FAT3: variants seen among roughly 807,000 people sequenced by gnomAD.
FAT3 encodes FAT atypical cadherin 3, also known as protocadherin Fat 3.
In FAT3, 95 loss-of-function variants were observed where a neutral mutation model predicts 310.2. The observed-to-expected ratio is 0.31, with a 90% CI of 0.26 to 0.36. FAT3 has a LOEUF of 0.36. Among genes scored for constraint, FAT3 ranks in the 10% least tolerant of loss-of-function variants. The pLI is 1.00. For synonymous variants in FAT3, 2,314 were observed against 2,192.9 expected (o/e 1.06, Z -1.54); for missense variants, 5,408 against 5,715.6 (o/e 0.95, Z 1.74).
At chr11:92,685,605 A>G (rs926634377) in intron 3 of FAT3, among the ~76,000 whole-genome samples, 4 of 149,584 alleles carry the variant, frequency 2.7e-5, no homozygotes, top group East Asian at 1.9e-4. Context: ...ATATTTAATT[A>G]TTTATTATTA....
chr11:92,453,717 T>G (rs1371327753), intron 2 of FAT3, among the ~76,000 whole-genome samples: 1 of 152,180 alleles, frequency 6.6e-6, no homozygotes, highest in Non-Finnish European at 1.5e-5. Flanking sequence ...TGGCATTATT[T>G]TATTGCCTAC....
chr11:92,427,305 C>G (rs192855209), intron 2 of FAT3, among the ~76,000 whole-genome samples: 3 of 152,096 alleles, frequency 2.0e-5, no homozygotes, highest in Admixed American at 1.3e-4. Context: ...ATATACAATC[C>G]TGTCATCTGC....
chr11:92,583,009 A>G (rs1335570267), intron 3 of FAT3, among the ~76,000 whole-genome samples: 1 of 151,414 alleles, frequency 6.6e-6, no homozygotes, highest in African/African-American at 2.4e-5. Flanking sequence ...TGCTTAATAT[A>G]CTCCCCTGTA....
chr11:92,510,111 G>GA (rs1953242992), intron 2 of FAT3, among the ~76,000 whole-genome samples: 1 of 152,084 alleles, frequency 6.6e-6, no homozygotes, highest in Admixed American at 6.6e-5. Flanking sequence ...ATTATCGTCA[G>GA]AAAATATTTC....
chr11:92,439,212 T>TA (rs1481619986), intron 2 of FAT3, among the ~76,000 whole-genome samples: 5 of 152,008 alleles, frequency 3.3e-5, no homozygotes, highest in Admixed American at 6.6e-5. Context: ...CAAAGTAATA[T>TA]AAAAAAACCC....
Position 92,800,957 on chromosome 11 carries a change from C to T in FAT3, c.7944C>T (p.Ala2648=), listed in dbSNP as rs773625640. 14 of 1,612,762 alleles carry T rather than the reference C, an allele frequency of 8.7e-6. No individual in the cohort carries two copies. Among genetic ancestry groups the T allele is most frequent in the African/African-American group, 5.3e-5 (4 of 74,868 alleles). Residue 2648 remains alanine, a synonymous_variant, in exon 10 of 28, where the codon GCC becomes GCT. Coordinates refer to ENST00000525166, the MANE Select transcript of FAT3 (RefSeq NM_001367949.2). ...SLYSEASVSV[A]DLLEIDPDNG... ...ATAGCGAGGCCTCTGTTTCAGTGGC[C>T]GACCTCCTGGAAATCGATCCTGACA...
At chr11:92,886,788 G>T (rs1257121987) in intron 24 of FAT3, 1 of 543,106 alleles carries the variant, frequency 1.8e-6, no homozygotes, top group Admixed American at 3.3e-5. Flanking sequence ...TTTACTATGG[G>T]CTAAGGGTTT....
intron 9 of FAT3, among the ~76,000 whole-genome samples, chr11:92,795,267 TA>T (rs1947139133): frequency 6.6e-6 from 1 of 152,110 alleles, no homozygotes; most frequent in South Asian, 2.1e-4. Context: ...GAGTTTAAAA[TA>T]TTTTTTTTAG....
At chr11:92,412,752 C>CACACACATATATATATAT (rs1565296555) in intron 2 of FAT3, among the ~76,000 whole-genome samples, 1 of 24,274 alleles carries the variant, frequency 4.1e-5, no homozygotes. Flanking sequence ...TATAAATATA[C>CACACACATATATATATAT]ATACATATAT....
chr11:92,480,084 T>G (rs1241395173), intron 2 of FAT3, among the ~76,000 whole-genome samples: 5 of 151,968 alleles, frequency 3.3e-5, no homozygotes, highest in Admixed American at 6.6e-5. Context: ...GCTAACACGG[T>G]GAAACCCCAT....
chr11:92,673,679 G>T (rs1359287121), intron 3 of FAT3, among the ~76,000 whole-genome samples: 1 of 152,020 alleles, frequency 6.6e-6, no homozygotes, highest in Non-Finnish European at 1.5e-5. Context: ...TTTTTATGGT[G>T]CACTGTTTTC....
Position 92,799,957 on chromosome 11 carries a change from A to C in FAT3, c.6944A>C (p.Asp2315Ala). 1 of 1,613,016 alleles carries C rather than the reference A, an allele frequency of 6.2e-7. No homozygotes were observed. The highest frequency in any genetic ancestry group is 8.5e-7 in the Non-Finnish European group (1 of 1,179,424). Residue 2315 changes from aspartate (D) to alanine (A), a missense_variant, in exon 10 of 28, where the codon GAC (aspartate) becomes GCC (alanine). By Grantham distance (126) the Asp-to-Ala change is moderately radical. Coordinates refer to ENST00000525166, the MANE Select transcript of FAT3 (RefSeq NM_001367949.2). ...PVLQVVSIDA[D>A]SENNKMVHYQ... Reference sequence around the variant, plus strand: ...TTACAAGTTGTCTCTATTGATGCAGACTCAGAAAACAATAAAATGGTACAT... The same window carrying C: ...TTACAAGTTGTCTCTATTGATGCAGCCTCAGAAAACAATAAAATGGTACAT...
Position 92,800,412 on chromosome 11 carries a change from C to G in FAT3, c.7399C>G (p.Leu2467Val), listed in dbSNP as rs1468539931. The G allele has an allele frequency of 2.5e-6, 4 of 1,613,868 alleles. No homozygotes were observed. The African/African-American group carries it at 4.0e-5, about 16-fold the overall frequency. ...RKQRMEPLYS[L>V]NVSVSDGLFT... ...GCAGCGGATGGAGCCTCTGTACAGT[C>G]TCAATGTGTCTGTCTCTGATGGGTT... Residue 2467 changes from leucine to valine, a missense_variant, in exon 10 of 28, where the codon CTC (leucine) becomes GTC (valine). Leu to Val is a conservative substitution (Grantham distance 32). Coordinates refer to ENST00000525166, the MANE Select transcript of FAT3 (RefSeq NM_001367949.2).
intron 3 of FAT3, among the ~76,000 whole-genome samples, chr11:92,633,416 T>A (rs572498867): frequency 6.6e-5 from 10 of 152,250 alleles, no homozygotes; most frequent in African/African-American, 2.4e-4. Context: ...AAGAACATTA[T>A]TTTGTTTGCC....
chr11:92,666,383 GCT>G (rs1942950098), intron 3 of FAT3, among the ~76,000 whole-genome samples: 1 of 142,372 alleles, frequency 7.0e-6, no homozygotes. Context: ...ACGGAATCTC[GCT>G]CTGTTGCCTA....
At chr11:92,881,212 A>T (rs1002800566) in intron 23 of FAT3, among the ~76,000 whole-genome samples, 8 of 152,230 alleles carry the variant, frequency 5.3e-5, no homozygotes, top group Non-Finnish European at 1.0e-4. Context: ...GGAGGCAGAC[A>T]TACTACCCAT....
intron 3 of FAT3, among the ~76,000 whole-genome samples, chr11:92,599,421 T>A (rs1423687121): frequency 6.6e-6 from 1 of 152,072 alleles, no homozygotes; most frequent in Non-Finnish European, 1.5e-5. Flanking sequence ...TTCAATGACC[T>A]CCTACTAGGT....
chr11:92,655,753 C>T (rs1312297321), intron 3 of FAT3, among the ~76,000 whole-genome samples: 2 of 152,228 alleles, frequency 1.3e-5, no homozygotes, highest in East Asian at 1.9e-4. Flanking sequence ...AGCTATTCAA[C>T]GTTCCTTTAT....
chr11:92,606,731 G>C (rs914818556), intron 3 of FAT3, among the ~76,000 whole-genome samples: 1 of 152,172 alleles, frequency 6.6e-6, no homozygotes, highest in African/African-American at 2.4e-5. Flanking sequence ...CAACTGACTT[G>C]TTCAAGGCAC....
Sources: allele counts gnomAD v4.1 joint callset (sites outside exome capture counted in the v4.1 genomes callset), GRCh38; gene constraint gnomAD v4.1.1; transcripts MANE v1.5; gene names NCBI Gene and HGNC (gene_info 2026-07-23, HGNC 2026-07-21).